The following C5orf34 variants were observed in gnomAD, a reference collection of about 807,000 sequenced individuals.
C5orf34 encodes the protein chromosome 5 open reading frame 34.
Under a neutral mutation model 78.4 loss-of-function variants are expected in C5orf34, and 73 were observed. The ratio of observed to expected loss-of-function variants is 0.93; its 90% CI spans 0.77 to 1.13. C5orf34 has a LOEUF of 1.13. Ranked by LOEUF, C5orf34 falls within the 50% of genes most tolerant of loss-of-function variation. C5orf34 has a pLI of 0.00. For synonymous variants in C5orf34, 251 were observed against 246.6 expected (o/e 1.02, Z -0.17); for missense variants, 730 against 732.7 (o/e 1.00, Z 0.04).
intron 12 of C5orf34, among the ~76,000 whole-genome samples, chr5:43,487,450 A>C (rs1161551243): frequency 6.6e-6 from 1 of 152,152 alleles, no homozygotes; most frequent in African/African-American, 2.4e-5. Context: ...GAATCTGTGT[A>C]GTGTCTATTT....
Position 43,492,886 on chromosome 5 carries a change from G to T in C5orf34, c.1319C>A (p.Pro440His). 1 of 1,579,236 alleles carries T rather than the reference G, an allele frequency of 6.3e-7. No homozygotes were observed. Among genetic ancestry groups the T allele is most frequent in the Non-Finnish European group, 8.6e-7 (1 of 1,159,874 alleles). The part of the protein sequence containing the change: ...NYRICCWKMV[P>H]GINDSNILPL... ...CAGTATATTGCTATCATTTATCCCA[G>T]GTACCTAAAACCAAGTAAATAAAAA... is the stretch of plus-strand genomic sequence containing the variant. The change falls in exon 9 of 13, where the codon CCT becomes CAT. Residue 440 changes from proline to histidine, a missense_variant. Pro to His is a moderately conservative substitution (Grantham distance 77). Transcript: ENST00000306862.
chr5:43,492,119 TA>T, intron 10 of C5orf34, 95 bp downstream of exon 10: 1 of 785,394 alleles, frequency 1.3e-6, no homozygotes. Flanking sequence ...ATGGAAAAAC[TA>T]AAAATATATA....
chr5:43,513,762 A>G lies in C5orf34; in HGVS notation c.-37+1044T>C, dbSNP rs538150201. 3.3e-5 allele frequency among the ~76,000 whole-genome samples: 5 copies of G among 152,338 alleles called. No individual in the cohort carries two copies. The East Asian group carries it at 9.6e-4, about 29-fold the overall frequency. ...TTTATCATCATCAAGGTTTCAGCAC[A>G]AATGTAACTCCTACAAGGGCCCAAC... On this transcript the variant is annotated intron_variant, in intron 1 of 12. Transcript: ENST00000306862.
intron 11 of C5orf34, chr5:43,488,417 C>A (rs1031781642): frequency 6.5e-6 from 1 of 153,342 alleles, no homozygotes; most frequent in African/African-American, 2.4e-5. Context: ...TAACTTCCTG[C>A]TCTTCCTACC....
At position 43,493,562 on chromosome 5, in the gene C5orf34, C is replaced by A. The variant is rs150700647; in HGVS notation, c.1295G>T (p.Arg432Leu). The change falls in exon 8 of 13, where the codon CGT (arginine) becomes CTT (leucine). Residue 432 changes from arginine (R) to leucine (L), a missense_variant. By Grantham distance (102) the Arg-to-Leu change is moderately radical (BLOSUM62 -2). Transcript: ENST00000306862. ...KMRLSLSHNYRICCWKMVPGI... is the reference protein window; with the variant it reads ...KMRLSLSHNYLICCWKMVPGI... ...ACATACCATTTTCCAGCAGCATATACGATAGTTATGGCTTAAAGAAAGTCT... is the reference window on the plus strand; with the variant it reads ...ACATACCATTTTCCAGCAGCATATAAGATAGTTATGGCTTAAAGAAAGTCT... The A allele has an allele frequency of 5.1e-6, 8 of 1,569,904 alleles. No homozygotes were observed. The Admixed American group carries it at 1.5e-4, about 29-fold the overall frequency.
chr5:43,492,303 G>T lies in C5orf34; in HGVS notation c.1492C>A (p.Gln498Lys), dbSNP rs1045866149. 4.4e-6 allele frequency: 7 copies of T among 1,593,004 alleles called. No individual in the cohort carries two copies. The highest frequency in any genetic ancestry group is 6.0e-6 in the Non-Finnish European group (7 of 1,165,578). The change falls in exon 10 of 13, where the codon CAA becomes AAA. Residue 498 changes from glutamine (Q) to lysine (K), a missense_variant. Physicochemically the swap from Gln to Lys is moderately conservative, Grantham distance 53. Coordinates refer to ENST00000306862, the MANE Select transcript of C5orf34 (RefSeq NM_198566.4). ...SSPIEKRQVN[Q>K]GLNLGWCKLT... ...TTACACCAACCTAAGTTAAGACCTT[G>T]ATTTACCTGAAGAAGTAGAAAGATA...
chr5:43,501,665 TAGTTAAAAAAATCTCAA>T (rs1489443191), intron 6 of C5orf34, among the ~76,000 whole-genome samples: 1 of 152,218 alleles, frequency 6.6e-6, no homozygotes, highest in Non-Finnish European at 1.5e-5. Context: ...GAAATTTCCA[TAGTTAAAAAAATCTCAA>T]TTTTTAACTC....
intron 9 of C5orf34, among the ~76,000 whole-genome samples, 155 bp downstream of exon 9, chr5:43,492,565 T>C (rs1472131390): frequency 6.6e-6 from 1 of 152,242 alleles, no homozygotes; most frequent in Non-Finnish European, 1.5e-5. Flanking sequence ...CAAATCATTC[T>C]GATTTTTGCT....
chr5:43,502,497 T>G lies in C5orf34; in HGVS notation c.1029-2A>C. 1 of 1,530,536 alleles carries G rather than the reference T, an allele frequency of 6.5e-7. No individual in the cohort carries two copies. Among genetic ancestry groups the G allele is most frequent in the Non-Finnish European group, 8.9e-7 (1 of 1,124,762 alleles). The allele number at this position is 1,530,536 out of a possible 1,614,324, so 94.8% of individuals were successfully genotyped here. A position where few individuals can be genotyped will look rare whatever the true frequency, so the allele number is the denominator to read the frequency against. ...GAGTTCATATTTTGATGGGTAAGTC[T>G]AAGAAATAGAAATAACCATTAAAAA... On this transcript the variant is annotated splice_acceptor_variant, in intron 5 of 12. Coordinates refer to ENST00000306862, the MANE Select transcript of C5orf34 (RefSeq NM_198566.4). LOFTEE classifies it high-confidence loss of function.
At position 43,487,110 on chromosome 5, in the gene C5orf34, C is replaced by T. The variant is rs1465331923; in HGVS notation, c.1722G>A (p.Leu574=). 1 of 1,498,596 alleles carries T rather than the reference C, an allele frequency of 6.7e-7. No homozygotes were observed. Among genetic ancestry groups the T allele is most frequent in the Non-Finnish European group, 8.9e-7 (1 of 1,120,444 alleles). 92.8% of individuals were successfully genotyped at this position (1,498,596 alleles called of 1,614,324 possible). ...SELEKIQKFN[L]LLENSGILNQ... Reference sequence around the variant, plus strand: ...TTAGGATACCACTATTTTCTAGTAGCACTAAGTTGCTTAGTTAAGGAGGTT... The same window carrying T: ...TTAGGATACCACTATTTTCTAGTAGTACTAAGTTGCTTAGTTAAGGAGGTT... Residue 574 remains leucine, a splice_region_variant and synonymous_variant, in exon 13 of 13, where the codon TTG becomes TTA. Transcript: ENST00000306862.
intron 6 of C5orf34, chr5:43,496,190 T>C (rs1745510194): frequency 1.9e-6 from 3 of 1,550,876 alleles, no homozygotes; most frequent in East Asian, 2.2e-5. Context: ...GCATCAATGA[T>C]AGTCACATAG....
chr5:43,490,567 G>T, intron 11 of C5orf34, 64 bp downstream of exon 11: 2 of 1,061,240 alleles, frequency 1.9e-6, no homozygotes, highest in Non-Finnish European at 2.9e-6. Context: ...TTTACCATTT[G>T]ACATTTTAAT....
chr5:43,494,461 A>G lies in C5orf34; in HGVS notation c.1244+49T>C, dbSNP rs370679151. On this transcript the variant is annotated intron_variant, in intron 7 of 12. Coordinates refer to ENST00000306862, the MANE Select transcript of C5orf34 (RefSeq NM_198566.4). The stretch of plus-strand genomic sequence containing the variant: ...TCCTTAATCACAAGAAAATGTGCCA[A>G]GATGTTTAGACACATAACATTTGAT... 1.8e-5 allele frequency: 22 copies of G among 1,192,474 alleles called. No individual in the cohort carries two copies. The African/African-American group carries it at 2.7e-4, about 15-fold the overall frequency. 73.9% of individuals were successfully genotyped at this position (1,192,474 alleles called of 1,614,324 possible). A position where few individuals can be genotyped will look rare whatever the true frequency, so the allele number is the denominator to read the frequency against.
At chr5:43,498,706 C>T (rs534565812) in intron 6 of C5orf34, among the ~76,000 whole-genome samples, 2 of 152,324 alleles carry the variant, frequency 1.3e-5, no homozygotes, top group South Asian at 2.1e-4. Flanking sequence ...ACTGGTTCTA[C>T]AGCTTCAAGT....
chr5:43,494,748 T>C (rs941718733), intron 6 of C5orf34, 147 bp from the exon 7 acceptor site: 77 of 518,054 alleles, frequency 1.5e-4, no homozygotes, highest in Admixed American at 1.8e-4. Context: ...CATGGTATTT[T>C]ATGATGCTTT....
Position 43,503,664 on chromosome 5 carries a change from C to T in C5orf34, c.1028+1G>A, listed in dbSNP as rs1476932049. 1 of 1,592,016 alleles carries T rather than the reference C, an allele frequency of 6.3e-7. No individual in the cohort carries two copies. Among genetic ancestry groups the T allele is most frequent in the Non-Finnish European group, 8.6e-7 (1 of 1,160,128 alleles). ...CATAGAAGCCAACATAGGTGCCTTA[C>T]CTATATGTAACACCTTTGTACCAAA... On this transcript the variant is annotated splice_donor_variant, in intron 5 of 12. Coordinates refer to ENST00000306862, the MANE Select transcript of C5orf34 (RefSeq NM_198566.4). LOFTEE classifies it high-confidence loss of function.
In C5orf34 at chr5:43,486,761, C is replaced by G. The variant is rs76623878; in HGVS notation, c.*154G>C. On this transcript the variant is annotated 3_prime_UTR_variant, in exon 13 of 13. Coordinates refer to ENST00000306862, the MANE Select transcript of C5orf34 (RefSeq NM_198566.4). The stretch of plus-strand genomic sequence containing the variant: ...TATAAATACATATTTTAAAAATGTA[C>G]AAGTTAAAAATACCTTCAAAGTTAA... 1.7e-3 allele frequency: 677 copies of G among 404,180 alleles called. 10 individuals are homozygous for G. In the East Asian group the frequency reaches 0.023, roughly 14 times the overall value. 25.0% of individuals were successfully genotyped at this position (404,180 alleles called of 1,614,324 possible). A position where few individuals can be genotyped will look rare whatever the true frequency, so the allele number is the denominator to read the frequency against.
At position 43,507,075 on chromosome 5, in the gene C5orf34, C is replaced by G. The variant is rs372443889; in HGVS notation, c.286-681G>C. ...AGGTAACATGTAAAAAGTACCCATC[C>G]TAGGTAGTACCTGGCACACCATACA... On this transcript the variant is annotated intron_variant, in intron 3 of 12. Coordinates refer to ENST00000306862, the MANE Select transcript of C5orf34 (RefSeq NM_198566.4). Among the ~76,000 whole-genome samples, 72 of 152,204 alleles carry G rather than the reference C, an allele frequency of 4.7e-4. No individual in the cohort carries two copies. In the East Asian group the frequency reaches 0.012, roughly 26 times the overall value.
chr5:43,498,955 G>T (rs1364796035), intron 6 of C5orf34, among the ~76,000 whole-genome samples: 1 of 152,058 alleles, frequency 6.6e-6, no homozygotes, highest in Non-Finnish European at 1.5e-5. Context: ...CTCCACACTC[G>T]CCCCAGGCTC....
Sources: gnomAD v4.1 joint callset for allele counts (sites outside exome capture counted in the v4.1 genomes callset) on GRCh38, gnomAD v4.1.1 for gene constraint, MANE v1.5 for transcripts, NCBI Gene and HGNC (gene_info 2026-07-23, HGNC 2026-07-21) for gene names.